Variants in TSPEAR observed in about 807,000 individuals in gnomAD.
The protein encoded by TSPEAR is thrombospondin-type laminin G domain and EAR repeat-containing protein.
In TSPEAR, 69 loss-of-function variants were observed where a neutral mutation model predicts 71.6. The ratio of observed to expected loss-of-function variants is 0.96; its 90% CI spans 0.79 to 1.18. TSPEAR has a LOEUF of 1.18. Ranked by LOEUF, TSPEAR falls within the 50% of genes most tolerant of loss-of-function variation. The probability of loss-of-function intolerance (pLI) is 0.00; values close to 1 mark genes in which losing one functional copy is unlikely to be tolerated. For synonymous variants in TSPEAR, 402 were observed against 387.2 expected, an observed-to-expected ratio of 1.04 and a Z score of -0.45; for missense variants, 971 against 894.9, an observed-to-expected ratio of 1.09 and a Z score of -1.09.
intron 2 of TSPEAR, among the ~76,000 whole-genome samples, chr21:44,534,646 G>C (rs1050119080): frequency 1.3e-5 from 2 of 152,114 alleles, no homozygotes; most frequent in Non-Finnish European, 2.9e-5. Flanking sequence ...TGTTATGCTG[G>C]CGACACTGTG....
At position 44,520,387 on chromosome 21, in the gene TSPEAR, TCTG is replaced by T. The variant is rs1555914089; in HGVS notation, c.1566+1493_1566+1495del. ...AAAGTGGGGAGGGTGCTCCCTGACA[TCTG>T]CTCTCCTCGTGCCCTGAACATCCAC... On this transcript the variant is annotated intron_variant, in intron 9 of 11. Transcript: ENST00000323084. This position sits in a 1 kb window ranked among gnomAD's most constrained non-coding sequence, Gnocchi z 4.2. The T allele has an allele frequency of 6.6e-6, 1 of 151,976 alleles. No homozygotes were observed. Among genetic ancestry groups the T allele is most frequent in the Non-Finnish European group, 1.5e-5 (1 of 67,980 alleles). The allele number at this position is 151,976 out of a possible 1,614,324, so 9.4% of individuals were successfully genotyped here.
chr21:44,568,291 C>T (rs1163492626), intron 1 of TSPEAR, among the ~76,000 whole-genome samples: 4 of 152,162 alleles, frequency 2.6e-5, no homozygotes, highest in Admixed American at 2.6e-4. Flanking sequence ...GTTTTCAAGT[C>T]GGCAGCCAGG....
At chr21:44,637,181 C>A (rs1293137547) in intron 1 of TSPEAR, among the ~76,000 whole-genome samples, 4 of 152,174 alleles carry the variant, frequency 2.6e-5, no homozygotes, top group African/African-American at 4.8e-5. Context: ...TGCCCAGGAC[C>A]AGCCAAGTGT....
chr21:44,678,263 GT>G lies in TSPEAR; in HGVS notation c.82+33169del, dbSNP rs1344449052. 2.0e-5 allele frequency among the ~76,000 whole-genome samples: 3 copies of G among 152,022 alleles called. No individual in the cohort carries two copies. In the East Asian group the frequency reaches 5.8e-4, roughly 29 times the overall value. On this transcript the variant is annotated intron_variant, in intron 1 of 11. Transcript: ENST00000323084. ...TCCCCAGCGCTGGAGGTGGAGCCTGGTAGGAGGTGATTTGATCATGAGGGCC... is the reference window on the plus strand; with the variant it reads ...TCCCCAGCGCTGGAGGTGGAGCCTGGAGGAGGTGATTTGATCATGAGGGCC...
chr21:44,663,605 A>G (rs1985608237), intron 1 of TSPEAR, among the ~76,000 whole-genome samples: 1 of 152,144 alleles, frequency 6.6e-6, no homozygotes, highest in South Asian at 2.1e-4. Flanking sequence ...AAATTCATAG[A>G]GCCAGCATAA....
intron 1 of TSPEAR, chr21:44,627,348 G>A (rs1982887518): frequency 3.1e-6 from 5 of 1,613,298 alleles, no homozygotes; most frequent in African/African-American, 2.7e-5. Flanking sequence ...CCTGCTGCCA[G>A]GTGACCTGTG....
At chr21:44,592,440 G>A (rs200122724) in intron 1 of TSPEAR, 346 of 1,610,994 alleles carry the variant, frequency 2.1e-4, no homozygotes, top group African/African-American at 1.8e-3. Context: ...CGCGGCTGCC[G>A]TAGCTCAGGT....
rs587653891 is a variant in TSPEAR, at chr21:44,614,555, G to A, written c.83-46550C>T. On this transcript the variant is annotated intron_variant, in intron 1 of 11. Coordinates refer to ENST00000323084, the MANE Select transcript of TSPEAR (RefSeq NM_144991.3). ...CAGTTCCAGGCTCGGTTCCTGGCAG[G>A]GCCGTGTGGCCGGGCTCCGGAACGT... is the stretch of plus-strand genomic sequence containing the variant. 3.3e-5 allele frequency among the ~76,000 whole-genome samples: 5 copies of A among 152,366 alleles called. No individual in the cohort carries two copies. In the East Asian group the frequency reaches 9.7e-4, roughly 29 times the overall value.
chr21:44,579,694 C>T (rs1219687230), intron 1 of TSPEAR: 60 of 1,555,736 alleles, frequency 3.9e-5, no homozygotes, highest in Admixed American at 2.7e-4. Flanking sequence ...CCTCCTAACC[C>T]GAGTCAGGAC....
At chr21:44,631,661 G>A (rs1366759792) in intron 1 of TSPEAR, among the ~76,000 whole-genome samples, 1 of 152,178 alleles carries the variant, frequency 6.6e-6, no homozygotes, top group East Asian at 1.9e-4. Flanking sequence ...GGGAAGCGGA[G>A]GTTGCAGTGA....
At chr21:44,540,089 G>A in intron 2 of TSPEAR, 1 of 1,613,714 alleles carries the variant, frequency 6.2e-7, no homozygotes. Flanking sequence ...CTCTGGGCAG[G>A]CATCCACCTG....
At chr21:44,522,859 C>G (rs2052762702) in intron 8 of TSPEAR, among the ~76,000 whole-genome samples, 1 of 152,278 alleles carries the variant, frequency 6.6e-6, no homozygotes, top group African/African-American at 2.4e-5. Flanking sequence ...AGGCCAGCAT[C>G]CCTGCCATGG....
intron 1 of TSPEAR, among the ~76,000 whole-genome samples, chr21:44,583,302 G>A (rs1979128214): frequency 2.0e-5 from 3 of 152,118 alleles, no homozygotes; most frequent in Non-Finnish European, 4.4e-5. Context: ...AGTGACACAC[G>A]TTTGGATTCT....
chr21:44,649,129 C>A (rs587679488), intron 1 of TSPEAR, among the ~76,000 whole-genome samples: 1 of 152,298 alleles, frequency 6.6e-6, no homozygotes, highest in African/African-American at 2.4e-5. Context: ...TGGACAGAGC[C>A]GGACGGCTCC....
At chr21:44,676,710 A>T in intron 1 of TSPEAR, 1 of 775,270 alleles carries the variant, frequency 1.3e-6, no homozygotes. Context: ...TTCTCATTTC[A>T]TTCTCCATGG....
chr21:44,638,635 T>G (rs182966522), intron 1 of TSPEAR, among the ~76,000 whole-genome samples: 3,172 of 147,030 alleles, frequency 0.022, 58 homozygotes, highest in African/African-American at 0.077. Context: ...AAGCAATGCC[T>G]TCTGGTGCTG....
Position 44,711,335 on chromosome 21 carries a change from G to A in TSPEAR, c.82+98C>T. 13 of 1,139,146 alleles carry A rather than the reference G, an allele frequency of 1.1e-5. No homozygotes were observed. Among genetic ancestry groups the A allele is most frequent in the East Asian group, 2.6e-5 (1 of 38,212 alleles). 70.6% of individuals were successfully genotyped at this position (1,139,146 alleles called of 1,614,324 possible). ...CTGCCAAAGCGTCCTCGGGCACCGC[G>A]GCTTGAATCAGTGTTAGAAAGTGGC... On this transcript the variant is annotated intron_variant, in intron 1 of 11. Coordinates refer to ENST00000323084, the MANE Select transcript of TSPEAR (RefSeq NM_144991.3). The surrounding 1 kb of genome is among the most constrained non-coding windows in gnomAD (Gnocchi z 4.5).
At chr21:44,561,063 T>A (rs1569187256) in intron 2 of TSPEAR, among the ~76,000 whole-genome samples, 1 of 151,230 alleles carries the variant, frequency 6.6e-6, no homozygotes, top group South Asian at 2.1e-4. Context: ...TTTGAAAAAA[T>A]TAACAAAATA....
intron 1 of TSPEAR, among the ~76,000 whole-genome samples, chr21:44,641,642 G>T (rs1163838887): frequency 6.6e-6 from 1 of 152,210 alleles, no homozygotes; most frequent in African/African-American, 2.4e-5. Flanking sequence ...TCGAGGGGAT[G>T]AACACAGCTG....
Sources: gnomAD v4.1 joint callset for allele counts (sites outside exome capture counted in the v4.1 genomes callset) on GRCh38, gnomAD v4.1.1 for gene constraint, Gnocchi (gnomAD v3.1) non-coding constraint, MANE v1.5 for transcripts, NCBI Gene and HGNC (gene_info 2026-07-23, HGNC 2026-07-21) for gene names.